Variants in VIPR1 observed in about 807,000 individuals in gnomAD.
VIPR1 encodes vasoactive intestinal peptide receptor 1.
VIPR1 carries 59 observed loss-of-function variants against 58.8 expected under a neutral mutation model. The ratio of observed to expected loss-of-function variants is 1.00; its 90% CI spans 0.81 to 1.25. VIPR1 has a LOEUF of 1.25. Ranked by LOEUF, VIPR1 falls within the 50% of genes most tolerant of loss-of-function variation. VIPR1 has a pLI of 0.00. For synonymous variants in VIPR1, 251 were observed against 242.1 expected (o/e 1.04, Z -0.34); for missense variants, 626 against 602.7 (o/e 1.04, Z -0.40).
At position 42,536,118 on chromosome 3, in the gene VIPR1, G is replaced by A. The variant is rs1701829236; in HGVS notation, c.1211G>A (p.Arg404Gln). 5.6e-6 allele frequency: 9 copies of A among 1,603,544 alleles called. No individual in the cohort carries two copies. The highest frequency in any genetic ancestry group is 4.5e-5 in the East Asian group (2 of 44,288). The change falls in exon 13 of 13, where the codon CGG becomes CAG. Residue 404 changes from arginine (R) to glutamine (Q), a missense_variant. Arg to Gln is a conservative substitution (Grantham distance 43). Transcript: ENST00000325123. The stretch of plus-strand genomic sequence containing the variant: ...CAGGCGGAGCTGAGGCGGAAGTGGC[G>A]GCGCTGGCACCTGCAGGGCGTCCTG... ...EVQAELRRKW[R>Q]RWHLQGVLGW... is the part of the protein sequence containing the mutation.
chr3:42,509,138 G>A (rs1700252434), intron 1 of VIPR1: 1 of 152,126 alleles, frequency 6.6e-6, no homozygotes, highest in South Asian at 2.1e-4. Context: ...ATCCATGGAG[G>A]CTCTGCATGC....
rs1701559278 is a variant in VIPR1, at chr3:42,531,615, G to A, written c.851+84G>A. The A allele has an allele frequency of 3.8e-6, 6 of 1,576,058 alleles. No homozygotes were observed. In the South Asian group the frequency reaches 6.8e-5, roughly 18 times the overall value. On this transcript the variant is annotated intron_variant, in intron 8 of 12. Coordinates refer to ENST00000325123, the MANE Select transcript of VIPR1 (RefSeq NM_004624.4). ...GGGATGATAATGCCATCTGGCCTTG[G>A]TGAGTGGACAAAAACCACAGCTCTC...
At chr3:42,489,939 C>T (rs1408298531) in intron 1 of VIPR1, among the ~76,000 whole-genome samples, 1 of 152,104 alleles carries the variant, frequency 6.6e-6, no homozygotes, top group Non-Finnish European at 1.5e-5. Context: ...ATTCTTCCAC[C>T]ACCAGTCCAA....
rs780256683 is a variant in VIPR1, at chr3:42,528,094, G to C, written c.607G>C (p.Gly203Arg). ...FIKDLALFDSGESDQCSEGSV... is the reference protein window; with the variant it reads ...FIKDLALFDSRESDQCSEGSV... ...CAAAGACTTGGCCCTCTTCGACAGCGGGGAGTCGGACCAGTGCTCCGAGGG... is the reference window on the plus strand; with the variant it reads ...CAAAGACTTGGCCCTCTTCGACAGCCGGGAGTCGGACCAGTGCTCCGAGGG... The change falls in exon 6 of 13, where the codon GGG (glycine) becomes CGG (arginine). Residue 203 changes from glycine (G) to arginine (R), a missense_variant. By Grantham distance (125) the Gly-to-Arg change is moderately radical. Transcript: ENST00000325123. The C allele has an allele frequency of 6.2e-7, 1 of 1,613,872 alleles. No individual in the cohort carries two copies. Among genetic ancestry groups the C allele is most frequent in the Non-Finnish European group, 8.5e-7 (1 of 1,179,912 alleles).
chr3:42,495,461 G>A (rs1699742054), intron 1 of VIPR1, among the ~76,000 whole-genome samples: 1 of 152,152 alleles, frequency 6.6e-6, no homozygotes, highest in Admixed American at 6.5e-5. Flanking sequence ...ATTCAGTGCA[G>A]TTGAGAATCC....
chr3:42,531,995 C>A, intron 9 of VIPR1, 126 bp downstream of exon 9: 1 of 1,102,664 alleles, frequency 9.1e-7, no homozygotes, highest in Non-Finnish European at 1.3e-6. Context: ...ATGCCCAATG[C>A]AGGATCATCC....
intron 6 of VIPR1, chr3:42,528,440 T>C: frequency 3.2e-6 from 1 of 314,828 alleles, no homozygotes; most frequent in Non-Finnish European, 6.0e-6. Context: ...GCTAACTTCC[T>C]ATGTGGCCTT....
chr3:42,498,726 C>T (rs1699812121), upstream of VIPR1, among the ~76,000 whole-genome samples: 1 of 152,152 alleles, frequency 6.6e-6, no homozygotes, highest in South Asian at 2.1e-4. Context: ...CCCCCACAAT[C>T]CCACACCCAA....
At chr3:42,523,812 C>A (rs1171155420) in intron 3 of VIPR1, among the ~76,000 whole-genome samples, 1 of 151,930 alleles carries the variant, frequency 6.6e-6, no homozygotes, top group African/African-American at 2.4e-5. Flanking sequence ...TGATTTTGGC[C>A]TTAATCCTCT....
intron 2 of VIPR1, among the ~76,000 whole-genome samples, chr3:42,517,760 G>T (rs1700706377): frequency 6.6e-6 from 1 of 152,194 alleles, no homozygotes; most frequent in Non-Finnish European, 1.5e-5. Context: ...TGAATCACCT[G>T]GGGTCAGGAG....
intron 2 of VIPR1, among the ~76,000 whole-genome samples, chr3:42,515,153 T>C (rs1700562682): frequency 6.6e-6 from 1 of 152,210 alleles, no homozygotes; most frequent in African/African-American, 2.4e-5. Flanking sequence ...TCTTTACGTC[T>C]TCCTGGCTCC....
rs1196548730 is a variant in VIPR1 at position 42,531,542 on chromosome 3, G to T, written c.851+11G>T. The T allele has an allele frequency of 1.3e-6, 2 of 1,593,530 alleles. No individual in the cohort carries two copies. The highest frequency in any genetic ancestry group is 1.3e-5 in the African/African-American group (1 of 74,680). On this transcript the variant is annotated intron_variant, in intron 8 of 12. Transcript: ENST00000325123. Reference sequence around the variant, plus strand: ...TTTTGAGGATTATGGGTGAGCTGCTGCCCCACACACTCCCCCGGCCGCCAT... The same window carrying T: ...TTTTGAGGATTATGGGTGAGCTGCTTCCCCACACACTCCCCCGGCCGCCAT...
chr3:42,492,929 T>C (rs1699691855), intron 1 of VIPR1, among the ~76,000 whole-genome samples: 1 of 152,222 alleles, frequency 6.6e-6, no homozygotes. Context: ...CAGGCTGGGC[T>C]ACTGTGGGTC....
upstream of VIPR1, chr3:42,500,531 G>A (rs1699847650): frequency 6.6e-6 from 1 of 152,248 alleles, no homozygotes; most frequent in Admixed American, 6.5e-5. Flanking sequence ...GTATGTATGT[G>A]TTGAGGAGTG....
chr3:42,492,645 G>A (rs771981428), intron 1 of VIPR1: 1 of 152,290 alleles, frequency 6.6e-6, no homozygotes, highest in African/African-American at 2.4e-5. Context: ...GTGGAGGCTG[G>A]AAGAAAAGCA....
At chr3:42,524,982 CTGTCATTG>C (rs1305621386) in intron 3 of VIPR1, among the ~76,000 whole-genome samples, 2 of 152,200 alleles carry the variant, frequency 1.3e-5, no homozygotes, top group Non-Finnish European at 2.9e-5. Flanking sequence ...TACTCAAAAC[CTGTCATTG>C]TGATGAGGCT....
rs527276649 is a variant in VIPR1, at chr3:42,526,405, A to G, written c.399+412A>G. Among the ~76,000 whole-genome samples the G allele has an allele frequency of 1.4e-4, 21 of 152,366 alleles. No individual in the cohort carries two copies. The South Asian group carries it at 4.1e-3, about 30-fold the overall frequency. The stretch of plus-strand genomic sequence containing the variant: ...CAAATAGCCAGTCAGGAACAGGGAC[A>G]GAGCCTGTCATTCTCAGTCCCAGGA... On this transcript the variant is annotated intron_variant, in intron 4 of 12. Coordinates refer to ENST00000325123, the MANE Select transcript of VIPR1 (RefSeq NM_004624.4).
At chr3:42,525,630 G>C (rs540393819) in intron 3 of VIPR1, among the ~76,000 whole-genome samples, 1 of 152,328 alleles carries the variant, frequency 6.6e-6, no homozygotes, top group Admixed American at 6.5e-5. Flanking sequence ...TTGGGGTCAG[G>C]TTCAGACCAT....
intron 1 of VIPR1, among the ~76,000 whole-genome samples, chr3:42,495,592 G>A (rs1010571905): frequency 4.6e-5 from 7 of 152,024 alleles, no homozygotes; most frequent in South Asian, 2.1e-4. Context: ...ACTTAATCAG[G>A]TGAGCCCTTT....
Sources: gnomAD v4.1 joint callset for allele counts (sites outside exome capture counted in the v4.1 genomes callset) on GRCh38, gnomAD v4.1.1 for gene constraint, MANE v1.5 for transcripts, NCBI Gene and HGNC (gene_info 2026-07-23, HGNC 2026-07-21) for gene names.